The following LYPD6 variants were observed in gnomAD, a reference collection of about 807,000 sequenced individuals.
The protein encoded by LYPD6 is LY6/PLAUR domain containing 6.
In LYPD6, 15 loss-of-function variants were observed where a neutral mutation model predicts 22.7. The ratio of observed to expected loss-of-function variants is 0.66; its 90% CI spans 0.44 to 1.02. The LOEUF (loss-of-function observed/expected upper bound fraction) is 1.02. Ranked by LOEUF, LYPD6 falls within the 50% of genes least tolerant of loss-of-function variation. The pLI is 0.00. For synonymous variants in LYPD6, 72 were observed against 77.5 expected (o/e 0.93, Z 0.37); for missense variants, 189 against 208.4 (o/e 0.91, Z 0.57).
intron 1 of LYPD6, among the ~76,000 whole-genome samples, chr2:149,412,032 A>T (rs990290571): frequency 6.6e-6 from 1 of 152,164 alleles, no homozygotes; most frequent in Non-Finnish European, 1.5e-5. Flanking sequence ...ACCTCCTATT[A>T]TCAGGTATTT....
intron 1 of LYPD6, among the ~76,000 whole-genome samples, chr2:149,399,659 G>A (rs1265464697): frequency 2.0e-5 from 3 of 149,052 alleles, no homozygotes. Flanking sequence ...AAAAATAAAA[G>A]TGGAAAAAAA....
intron 1 of LYPD6, among the ~76,000 whole-genome samples, chr2:149,374,916 C>T (rs528408305): frequency 4.6e-5 from 7 of 152,174 alleles, no homozygotes; most frequent in South Asian, 2.1e-4. Flanking sequence ...GGAAAGAAAG[C>T]AGTGAAGGAA....
At chr2:149,477,768 T>G (rs1051299597), downstream of LYPD6, among the ~76,000 whole-genome samples, 1 of 151,932 alleles carries the variant, frequency 6.6e-6, no homozygotes, top group African/African-American at 2.4e-5. Context: ...GGCTTCTGAT[T>G]AGAGGTGAGA....
chr2:149,437,005 C>T (rs547459158), intron 1 of LYPD6, among the ~76,000 whole-genome samples: 47 of 152,134 alleles, frequency 3.1e-4, no homozygotes, highest in Non-Finnish European at 6.2e-4. Flanking sequence ...TTTGCTGAAC[C>T]CCAGTTTACC....
chr2:149,333,032 T>TA (rs1225561640), intron 1 of LYPD6, among the ~76,000 whole-genome samples: 3 of 152,232 alleles, frequency 2.0e-5, no homozygotes, highest in Non-Finnish European at 2.9e-5. Context: ...ACACACTCCT[T>TA]ATAAGCTCTG....
downstream of LYPD6, among the ~76,000 whole-genome samples, chr2:149,474,927 C>T (rs1186010582): frequency 6.6e-6 from 1 of 152,118 alleles, no homozygotes; most frequent in African/African-American, 2.4e-5. Flanking sequence ...TGCCACCACG[C>T]CCAGCTAATT....
At chr2:149,360,038 A>G (rs1681541709) in intron 1 of LYPD6, among the ~76,000 whole-genome samples, 1 of 152,210 alleles carries the variant, frequency 6.6e-6, no homozygotes, top group South Asian at 2.1e-4. Context: ...TTTCTGGGAA[A>G]GAGGTAGGCA....
chr2:149,361,928 T>C (rs1191078594), intron 1 of LYPD6, among the ~76,000 whole-genome samples: 1 of 151,882 alleles, frequency 6.6e-6, no homozygotes, highest in African/African-American at 2.4e-5. Flanking sequence ...GAAGCAGGCA[T>C]AGAGAGGGGA....
chr2:149,426,342 C>T (rs1362364278), intron 1 of LYPD6, among the ~76,000 whole-genome samples: 1 of 152,182 alleles, frequency 6.6e-6, no homozygotes, highest in African/African-American at 2.4e-5. Flanking sequence ...AACCCTACTC[C>T]ATGCCAGGTA....
chr2:149,413,821 G>A (rs897270907), intron 1 of LYPD6, among the ~76,000 whole-genome samples: 2 of 152,200 alleles, frequency 1.3e-5, no homozygotes, highest in African/African-American at 2.4e-5. Flanking sequence ...TTTTGGGGAA[G>A]AAGAAGGGAA....
downstream of LYPD6, among the ~76,000 whole-genome samples, chr2:149,475,637 G>C (rs763691178): frequency 6.6e-6 from 1 of 152,124 alleles, no homozygotes; most frequent in Non-Finnish European, 1.5e-5. Flanking sequence ...GCAATTGCTG[G>C]AATTGGATTG....
At chr2:149,431,844 G>T (rs1304507956) in intron 1 of LYPD6, among the ~76,000 whole-genome samples, 1 of 152,032 alleles carries the variant, frequency 6.6e-6, no homozygotes, top group Non-Finnish European at 1.5e-5. Flanking sequence ...AATGGGAGAG[G>T]ATATTTGCAA....
At chr2:149,426,639 G>A (rs1235466036) in intron 1 of LYPD6, among the ~76,000 whole-genome samples, 1 of 152,176 alleles carries the variant, frequency 6.6e-6, no homozygotes, top group Admixed American at 6.5e-5. Flanking sequence ...ACTGGAAATA[G>A]CTCAAAAGGA....
chr2:149,335,121 A>C (rs550522489), intron 1 of LYPD6, among the ~76,000 whole-genome samples: 1 of 151,896 alleles, frequency 6.6e-6, no homozygotes, highest in Admixed American at 6.5e-5. Context: ...ATTATCTTAG[A>C]GAGAACTCCT....
At chr2:149,376,027 C>G (rs762831939) in intron 1 of LYPD6, among the ~76,000 whole-genome samples, 10 of 152,180 alleles carry the variant, frequency 6.6e-5, no homozygotes, top group Non-Finnish European at 1.0e-4. Flanking sequence ...ATAGTGAACG[C>G]ACCTAAACAA....
intron 1 of LYPD6, among the ~76,000 whole-genome samples, chr2:149,332,587 A>C (rs1363715960): frequency 6.6e-6 from 1 of 152,224 alleles, no homozygotes; most frequent in Non-Finnish European, 1.5e-5. Flanking sequence ...TCAAAGATTG[A>C]CTTTTCCAAG....
At chr2:149,343,493 C>G (rs762872498) in intron 1 of LYPD6, among the ~76,000 whole-genome samples, 1 of 152,172 alleles carries the variant, frequency 6.6e-6, no homozygotes, top group Non-Finnish European at 1.5e-5. Flanking sequence ...GTCATTGATT[C>G]AGCCTTAGAA....
chr2:149,401,175 C>T (rs537656182), intron 1 of LYPD6, among the ~76,000 whole-genome samples: 11 of 152,224 alleles, frequency 7.2e-5, no homozygotes, highest in Non-Finnish European at 1.3e-4. Context: ...CTTCCACTTA[C>T]GTCTCATTGA....
At chr2:149,445,529 T>A (rs1208512695) in intron 2 of LYPD6, among the ~76,000 whole-genome samples, 1 of 152,234 alleles carries the variant, frequency 6.6e-6, no homozygotes, top group Non-Finnish European at 1.5e-5. Context: ...CTAGATTTTC[T>A]GGATAACTTG....
Sources: gnomAD v4.1 joint callset for allele counts (sites outside exome capture counted in the v4.1 genomes callset) on GRCh38, gnomAD v4.1.1 for gene constraint, MANE v1.5 for transcripts, NCBI Gene and HGNC (gene_info 2026-07-23, HGNC 2026-07-21) for gene names.